The following GRM4 variants were observed in gnomAD, a reference collection of about 807,000 sequenced individuals.
GRM4 encodes metabotropic glutamate receptor 4.
GRM4 carries 28 observed loss-of-function variants against 81.7 expected under a neutral mutation model. The ratio of observed to expected loss-of-function variants is 0.34; its 90% CI spans 0.25 to 0.47. The LOEUF (loss-of-function observed/expected upper bound fraction) is 0.47. Ranked by LOEUF, GRM4 falls within the 20% of genes least tolerant of loss-of-function variation. The probability of loss-of-function intolerance (pLI) is 1.00; values close to 1 mark genes in which losing one functional copy is unlikely to be tolerated. For synonymous variants in GRM4, 488 were observed against 528.8 expected (o/e 0.92, Z 1.06); for missense variants, 948 against 1,290.0 (o/e 0.73, Z 4.06).
intron 2 of GRM4, among the ~76,000 whole-genome samples, chr6:34,098,439 G>A (rs554655986): frequency 6.6e-6 from 1 of 152,268 alleles, no homozygotes; most frequent in South Asian, 2.1e-4. Flanking sequence ...TCCACCCATG[G>A]GCCAGGCCAG....
At chr6:34,138,652 G>C (rs1459061369) in intron 1 of GRM4, among the ~76,000 whole-genome samples, 1 of 152,206 alleles carries the variant, frequency 6.6e-6, no homozygotes, top group African/African-American at 2.4e-5. Flanking sequence ...TGTCAGAACT[G>C]TGCCACCCCT....
At chr6:34,116,465 G>T (rs1546039) in intron 2 of GRM4, among the ~76,000 whole-genome samples, 2,181 of 152,316 alleles carry the variant, frequency 0.014, 62 homozygotes, top group African/African-American at 0.047. Flanking sequence ...GCCTGGTAGA[G>T]CTGACACCCC....
In GRM4 at chr6:34,130,524, G is replaced by A. The variant is rs1770193368; in HGVS notation, c.519+2454C>T. ...CAGGATGGTAAGGCTCTTCACCCCA[G>A]GCCCCTCACCCCACCCTGGCCCTTC... On this transcript the variant is annotated intron_variant, in intron 2 of 10. Transcript: ENST00000538487. This position sits in a 1 kb window ranked among gnomAD's most constrained non-coding sequence, Gnocchi z 4.1. Among the ~76,000 whole-genome samples, 1 of 152,110 alleles carries A rather than the reference G, an allele frequency of 6.6e-6. No individual in the cohort carries two copies. Among genetic ancestry groups the A allele is most frequent in the Admixed American group, 6.6e-5 (1 of 15,264 alleles).
chr6:34,073,465 A>C (rs2499688), intron 3 of GRM4, among the ~76,000 whole-genome samples: 12,318 of 150,522 alleles, frequency 0.082, 1,068 homozygotes, highest in African/African-American at 0.21. Context: ...ACACATCCAC[A>C]CATCACCATA....
chr6:34,034,643 G>A lies in GRM4; in HGVS notation c.2442+1025C>T, dbSNP rs914064381. ...TCCTCAGCTCCACACTCCTTACAGT[G>A]TATTAACTGTTTGTGCACCCACTGT... On this transcript the variant is annotated intron_variant, in intron 9 of 10. Transcript: ENST00000538487. The surrounding 1 kb of genome is among the most constrained non-coding windows in gnomAD (Gnocchi z 4.0). Among the ~76,000 whole-genome samples the A allele has an allele frequency of 3.9e-5, 6 of 152,182 alleles. No homozygotes were observed. Among genetic ancestry groups the A allele is most frequent in the African/African-American group, 9.7e-5 (4 of 41,412 alleles).
At chr6:34,052,589 C>T (rs967903911) in intron 6 of GRM4, among the ~76,000 whole-genome samples, 3 of 152,100 alleles carry the variant, frequency 2.0e-5, no homozygotes, top group East Asian at 1.9e-4. Context: ...AAACAGAGGC[C>T]GACTATGGAA....
In GRM4 at chr6:34,036,369, G is replaced by A; in HGVS notation, c.1741C>T (p.Leu581Phe). 6.2e-7 allele frequency: 1 copy of A among 1,612,838 alleles called. No individual in the cohort carries two copies. Among genetic ancestry groups the A allele is most frequent in the Non-Finnish European group, 8.5e-7 (1 of 1,179,124 alleles). Reference sequence around the variant, plus strand: ...ACGGCCCAGGGCGAGCCCCACTCAAGCTTGATGATGGGGATGGGCCGGCAG... The same window carrying A: ...ACGGCCCAGGGCGAGCCCCACTCAAACTTGATGATGGGGATGGGCCGGCAG... Reference protein sequence around the residue: ...TGCRPIPIIKLEWGSPWAVLP... With the variant: ...TGCRPIPIIKFEWGSPWAVLP... The change falls in exon 9 of 11, where the codon CTT becomes TTT. Residue 581 changes from leucine (L) to phenylalanine (F), a missense_variant. Transcript: ENST00000538487. The surrounding 1 kb of genome is among the most constrained non-coding windows in gnomAD (Gnocchi z 9.0).
Position 34,034,624 on chromosome 6 carries a change from G to C in GRM4, c.2442+1044C>G, listed in dbSNP as rs1378644654. On this transcript the variant is annotated intron_variant, in intron 9 of 10. Coordinates refer to ENST00000538487, the MANE Select transcript of GRM4 (RefSeq NM_000841.4). The surrounding 1 kb of genome is among the most constrained non-coding windows in gnomAD (Gnocchi z 4.0). ...GTTCCCCACTCCTCTGGCTTCCTCA[G>C]CTCCACACTCCTTACAGTGTATTAA... 6.6e-6 allele frequency among the ~76,000 whole-genome samples: 1 copy of C among 152,172 alleles called. No individual in the cohort carries two copies. Among genetic ancestry groups the C allele is most frequent in the African/African-American group, 2.4e-5 (1 of 41,420 alleles).
chr6:34,087,818 A>ACACACACACACC, intron 3 of GRM4, among the ~76,000 whole-genome samples: 1 of 149,060 alleles, frequency 6.7e-6, no homozygotes, highest in South Asian at 2.2e-4. Context: ...ACACACACAC[A>ACACACACACACC]CACACACACA....
chr6:34,103,835 T>C (rs1249575230), intron 2 of GRM4: 32 of 1,428,558 alleles, frequency 2.2e-5, no homozygotes, highest in Non-Finnish European at 2.9e-5. Context: ...GGTGAAAGAC[T>C]GGGATGTGTC....
chr6:34,151,337 T>A (rs1278107122), intron 1 of GRM4, among the ~76,000 whole-genome samples: 1 of 152,194 alleles, frequency 6.6e-6, no homozygotes, highest in Non-Finnish European at 1.5e-5. Context: ...GTCCTCTCCC[T>A]GTCTCTTTTT....
chr6:34,020,945 C>G lies in GRM4; in HGVS notation c.*1876G>C, dbSNP rs1763850860. ...CCACTGTGCTCCATAGCGCTGTCAG[C>G]TAGCCTGGAGGTGGGAGGGGGTGCA... On this transcript the variant is annotated 3_prime_UTR_variant, in exon 11 of 11. Coordinates refer to ENST00000538487, the MANE Select transcript of GRM4 (RefSeq NM_000841.4). 6.6e-6 allele frequency: 1 copy of G among 152,404 alleles called. No homozygotes were observed. Among genetic ancestry groups the G allele is most frequent in the South Asian group, 2.1e-4 (1 of 4,834 alleles). The allele number at this position is 152,404 out of a possible 1,614,324, so 9.4% of individuals were successfully genotyped here. A position where few individuals can be genotyped will look rare whatever the true frequency, so the allele number is the denominator to read the frequency against.
chr6:34,144,548 G>A (rs1770839240), intron 1 of GRM4, among the ~76,000 whole-genome samples: 1 of 152,220 alleles, frequency 6.6e-6, no homozygotes, highest in African/African-American at 2.4e-5. Flanking sequence ...CGAGGCCACG[G>A]GCAAGCGGTT....
At position 34,059,416 on chromosome 6, in the gene GRM4, C is replaced by T. The variant is rs1561781327; in HGVS notation, c.873-288G>A. 3 of 447,552 alleles carry T rather than the reference C, an allele frequency of 6.7e-6. No individual in the cohort carries two copies. The highest frequency in any genetic ancestry group is 1.2e-5 in the Non-Finnish European group (3 of 243,482). The allele number at this position is 447,552 out of a possible 1,614,324, so 27.7% of individuals were successfully genotyped here. A position where few individuals can be genotyped will look rare whatever the true frequency, so the allele number is the denominator to read the frequency against. ...CCTACATCTGTCCCTGCAAAGACCA[C>T]ACCTCTCCCCTCCAGATCCACACCC... On this transcript the variant is annotated intron_variant, in intron 4 of 10. Coordinates refer to ENST00000538487, the MANE Select transcript of GRM4 (RefSeq NM_000841.4). The surrounding 1 kb of genome is among the most constrained non-coding windows in gnomAD (Gnocchi z 5.7).
At chr6:34,088,417 C>G (rs190244860) in intron 3 of GRM4, among the ~76,000 whole-genome samples, 1 of 152,054 alleles carries the variant, frequency 6.6e-6, no homozygotes, top group African/African-American at 2.4e-5. Context: ...CCACCGTACC[C>G]GACCACACAT....
At chr6:34,081,543 T>A (rs535582475) in intron 3 of GRM4, among the ~76,000 whole-genome samples, 1 of 152,300 alleles carries the variant, frequency 6.6e-6, no homozygotes, top group Non-Finnish European at 1.5e-5. Flanking sequence ...ATACATGAGC[T>A]CACTGAGGAA....
intron 2 of GRM4, among the ~76,000 whole-genome samples, chr6:34,095,831 C>A (rs1427256443): frequency 6.6e-6 from 1 of 152,164 alleles, no homozygotes; most frequent in African/African-American, 2.4e-5. Context: ...GTGGAGGGAT[C>A]GGGGGCAGGA....
rs56326901 is a variant in GRM4, at chr6:34,111,114, TACACACAC to T, written c.520-19023_520-19016del. On this transcript the variant is annotated intron_variant, in intron 2 of 10. Transcript: ENST00000538487. The surrounding 1 kb of genome is among the most constrained non-coding windows in gnomAD (Gnocchi z 5.1). ...GAGGAGGAGACACACACAGGCCACA[TACACACAC>T]ACACACACACACACACACACACACA... The T allele has an allele frequency of 0.019, 2,707 of 143,718 alleles. 23 individuals carry two copies. Among genetic ancestry groups the T allele is most frequent in the Middle Eastern group, 0.06 (17 of 284 alleles). The allele number at this position is 143,718 out of a possible 1,614,324, so 8.9% of individuals were successfully genotyped here.
rs1196347821 is a variant in GRM4, at chr6:34,115,399, C to T, written c.519+17579G>A. 6.6e-6 allele frequency among the ~76,000 whole-genome samples: 1 copy of T among 152,180 alleles called. No individual in the cohort carries two copies. The highest frequency in any genetic ancestry group is 6.5e-5 in the Admixed American group (1 of 15,286). ...GGCTTCAATTAAAATATCACGGCACCCGCACCGTCTGCCCGGCCACATGCC... is the reference window on the plus strand; with the variant it reads ...GGCTTCAATTAAAATATCACGGCACTCGCACCGTCTGCCCGGCCACATGCC... On this transcript the variant is annotated intron_variant, in intron 2 of 10. Coordinates refer to ENST00000538487, the MANE Select transcript of GRM4 (RefSeq NM_000841.4). This position sits in a 1 kb window ranked among gnomAD's most constrained non-coding sequence, Gnocchi z 4.1.
Sources: gnomAD v4.1 joint callset for allele counts (sites outside exome capture counted in the v4.1 genomes callset) on GRCh38, gnomAD v4.1.1 for gene constraint, Gnocchi (gnomAD v3.1) non-coding constraint, MANE v1.5 for transcripts, NCBI Gene and HGNC (gene_info 2026-07-23, HGNC 2026-07-21) for gene names.